MIB1: variants seen among roughly 807,000 people sequenced by gnomAD.
The protein encoded by MIB1 is E3 ubiquitin-protein ligase MIB1.
Under a neutral mutation model 124.5 loss-of-function variants are expected in MIB1, and 278 were observed. That is an observed-to-expected ratio of 2.23 (90% CI 2.02 to 2.47). The LOEUF (loss-of-function observed/expected upper bound fraction) is 2.47. Among genes scored for constraint, MIB1 ranks in the 30% most tolerant of loss-of-function variants. The probability of loss-of-function intolerance (pLI) is 0.00; values close to 1 mark genes in which losing one functional copy is unlikely to be tolerated. For missense variants in MIB1, 957 were observed against 1,254.4 expected (o/e 0.76, Z 3.58); for synonymous variants, 446 against 429.4 (o/e 1.04, Z -0.48).
chr18:21,843,087 T>C (rs1216158051), intron 13 of MIB1, 44 bp from the exon 14 acceptor site: 1 of 1,407,892 alleles, frequency 7.1e-7, no homozygotes, highest in East Asian at 2.3e-5. Flanking sequence ...TGTTCTTTAC[T>C]GTTGTCAAAT....
At chr18:21,804,871 T>C (rs980439741) in intron 10 of MIB1, among the ~76,000 whole-genome samples, 6 of 152,284 alleles carry the variant, frequency 3.9e-5, no homozygotes, top group Admixed American at 3.3e-4. Flanking sequence ...TTTCTAGTCT[T>C]ATGTTACTTT....
At chr18:21,772,166 A>G (rs2041231010) in intron 3 of MIB1, among the ~76,000 whole-genome samples, 2 of 152,200 alleles carry the variant, frequency 1.3e-5, no homozygotes, top group Non-Finnish European at 2.9e-5. Context: ...TTACAAAACT[A>G]TTTAGTACAG....
At position 21,706,207 on chromosome 18, in the gene MIB1, G is replaced by C. The variant is rs2146348832; in HGVS notation, n.167+1084G>C. Among the ~76,000 whole-genome samples the C allele has an allele frequency of 2.0e-5, 3 of 152,172 alleles. No individual in the cohort carries two copies. In the Middle Eastern group the frequency reaches 0.01, roughly 518 times the overall value. ...CGTGATTCTCCTGCCTCAGCCTCCCGAGTACCTGGGATTACAGGCATGCAC... is the reference window on the plus strand; with the variant it reads ...CGTGATTCTCCTGCCTCAGCCTCCCCAGTACCTGGGATTACAGGCATGCAC... On this transcript the variant is annotated intron_variant and non_coding_transcript_variant, in intron 1 of 20. Coordinates refer to the MIB1 transcript ENST00000578646.
Position 21,730,960 on chromosome 18 carries a change from T to C in MIB1, n.167+25837T>C, listed in dbSNP as rs535100681. On this transcript the variant is annotated intron_variant and non_coding_transcript_variant, in intron 1 of 20. Coordinates refer to the MIB1 transcript ENST00000578646. ...TCATGCTTTCCCCCTCTTTTGCCAA[T>C]GGGCTTTCATGTATGTGGTCCCTTT... 5.9e-5 allele frequency among the ~76,000 whole-genome samples: 9 copies of C among 152,344 alleles called. No individual in the cohort carries two copies. In the East Asian group the frequency reaches 1.7e-3, roughly 29 times the overall value.
chr18:21,831,992 G>A (rs1490848189), intron 12 of MIB1, among the ~76,000 whole-genome samples: 1 of 152,142 alleles, frequency 6.6e-6, no homozygotes, highest in African/African-American at 2.4e-5. Context: ...AGAGCTAGTT[G>A]TTGCCATATA....
At chr18:21,713,701 C>A (rs1271593183) in intron 1 of MIB1, among the ~76,000 whole-genome samples, 3 of 149,144 alleles carry the variant, frequency 2.0e-5, no homozygotes, top group African/African-American at 7.4e-5. Context: ...GCCACCTTGG[C>A]CTCCCAAAAT....
Position 21,857,129 on chromosome 18 carries a change from G to T in MIB1, c.2666-1G>T, listed in dbSNP as rs1162035698. On this transcript the variant is annotated splice_acceptor_variant, in intron 18 of 20. Coordinates refer to ENST00000261537, the MANE Select transcript of MIB1 (RefSeq NM_020774.4). LOFTEE classifies it high-confidence loss of function. ...GAAGTGTCTGTGTTACCGTTTTCCA[G>T]ACTGTGCTAACCTGATGAAAAAGTG... The T allele has an allele frequency of 3.7e-6, 6 of 1,610,688 alleles. No homozygotes were observed. Among genetic ancestry groups the T allele is most frequent in the Middle Eastern group, 1.7e-4 (1 of 6,058 alleles).
At chr18:21,763,935 T>A (rs974860993) in intron 1 of MIB1, among the ~76,000 whole-genome samples, 3 of 152,140 alleles carry the variant, frequency 2.0e-5, no homozygotes, top group Admixed American at 6.6e-5. Context: ...TTATTTTTTT[T>A]ATTTTTTTTA....
chr18:21,855,407 A>G (rs1199058186), intron 18 of MIB1, among the ~76,000 whole-genome samples: 1 of 152,264 alleles, frequency 6.6e-6, no homozygotes, highest in Non-Finnish European at 1.5e-5. Flanking sequence ...TAGAGAAGAT[A>G]GAAGCAAAGA....
intron 10 of MIB1, among the ~76,000 whole-genome samples, chr18:21,813,883 C>T (rs1014361734): frequency 2.1e-4 from 32 of 151,944 alleles, no homozygotes; most frequent in Admixed American, 2.1e-3. Flanking sequence ...GTACCAGGAT[C>T]AGGGACAGAC....
At chr18:21,827,141 C>A (rs1053903821) in intron 12 of MIB1, 19 of 152,036 alleles carry the variant, frequency 1.2e-4, no homozygotes, top group Admixed American at 1.3e-4. Flanking sequence ...CATCTGTTAT[C>A]CCTGTCAGGG....
intron 1 of MIB1, among the ~76,000 whole-genome samples, chr18:21,764,104 C>A (rs989709936): frequency 1.8e-4 from 28 of 152,218 alleles, no homozygotes; most frequent in African/African-American, 6.7e-4. Flanking sequence ...TATCTTCTGT[C>A]CCTACAGTCA....
intron 2 of MIB1, among the ~76,000 whole-genome samples, 188 bp from the exon 3 acceptor site, chr18:21,768,435 A>G (rs2041188726): frequency 1.3e-5 from 2 of 152,212 alleles, no homozygotes; most frequent in African/African-American, 2.4e-5. Context: ...TATTACAGCT[A>G]CTACTGCCAT....
Position 21,838,513 on chromosome 18 carries a change from A to C in MIB1, c.1962+16A>C. ...GGTACATCAGGTAAGAAAAGAGTTA[A>C]ATAATTCCCTCTTTTTTATTTTTTT... On this transcript the variant is annotated intron_variant, in intron 13 of 20. Coordinates refer to ENST00000261537, the MANE Select transcript of MIB1 (RefSeq NM_020774.4). 1 of 1,559,950 alleles carries C rather than the reference A, an allele frequency of 6.4e-7. No homozygotes were observed. The highest frequency in any genetic ancestry group is 8.6e-7 in the Non-Finnish European group (1 of 1,158,324).
At chr18:21,747,615 GGAGAA>G (rs1320126418) in intron 1 of MIB1, among the ~76,000 whole-genome samples, 1 of 152,148 alleles carries the variant, frequency 6.6e-6, no homozygotes, top group Admixed American at 6.6e-5. Context: ...TATTAGTTGG[GGAGAA>G]GAGAAGTGTG....
chr18:21,803,074 TTC>T (rs1262883083), intron 9 of MIB1, among the ~76,000 whole-genome samples: 1 of 152,218 alleles, frequency 6.6e-6, no homozygotes, highest in African/African-American at 2.4e-5. Flanking sequence ...TGGCTTCCTG[TTC>T]TCTCTAAAGT....
chr18:21,845,325 A>G (rs896644085), intron 15 of MIB1, among the ~76,000 whole-genome samples: 17 of 151,860 alleles, frequency 1.1e-4, no homozygotes, highest in African/African-American at 3.9e-4. Flanking sequence ...CATTCTTCTA[A>G]TAGTGATTTG....
chr18:21,816,838 T>G (rs1318782551), intron 11 of MIB1, among the ~76,000 whole-genome samples: 1 of 152,088 alleles, frequency 6.6e-6, no homozygotes, highest in Non-Finnish European at 1.5e-5. Flanking sequence ...ACTGTTGGGA[T>G]CTAGAGTATG....
At chr18:21,743,288 C>G (rs1207533130) in intron 1 of MIB1, among the ~76,000 whole-genome samples, 1 of 152,184 alleles carries the variant, frequency 6.6e-6, no homozygotes, top group African/African-American at 2.4e-5. Flanking sequence ...ATATTCACTC[C>G]TCTGCACTTT....
Sources: gnomAD v4.1 joint callset for allele counts (sites outside exome capture counted in the v4.1 genomes callset) on GRCh38, gnomAD v4.1.1 for gene constraint, MANE v1.5 for transcripts, NCBI Gene and HGNC (gene_info 2026-07-23, HGNC 2026-07-21) for gene names.